TJP1: variants seen among roughly 807,000 people sequenced by gnomAD.
TJP1 encodes tight junction protein 1.
In TJP1, 43 loss-of-function variants were observed where a neutral mutation model predicts 194.2. The observed-to-expected ratio is 0.22, with a 90% CI of 0.17 to 0.29. The LOEUF is 0.29. TJP1 is among the 10% of genes least tolerant of loss of function. The pLI is 1.00. For missense variants in TJP1, 1,971 were observed against 2,185.7 expected, an observed-to-expected ratio of 0.90 and a Z score of 1.96; for synonymous variants, 801 against 779.0, an observed-to-expected ratio of 1.03 and a Z score of -0.47.
intron 2 of TJP1, among the ~76,000 whole-genome samples, chr15:29,906,345 C>T (rs567939886): frequency 3.3e-5 from 5 of 151,766 alleles, no homozygotes; most frequent in Admixed American, 2.6e-4. Flanking sequence ...TCATGATGCA[C>T]GCCTGTAATC....
intron 3 of TJP1, among the ~76,000 whole-genome samples, chr15:29,772,445 C>T (rs991215969): frequency 6.6e-6 from 1 of 152,178 alleles, no homozygotes; most frequent in Non-Finnish European, 1.5e-5. Flanking sequence ...CGAAATGATT[C>T]TTGGTAGTAC....
chr15:29,757,405 A>G (rs1047170829), intron 8 of TJP1, among the ~76,000 whole-genome samples: 3 of 152,184 alleles, frequency 2.0e-5, no homozygotes, highest in Admixed American at 1.3e-4. Context: ...TGTAAAACAA[A>G]AAGACACTTA....
At chr15:29,792,471 G>A (rs1036984561) in intron 2 of TJP1, among the ~76,000 whole-genome samples, 1 of 152,166 alleles carries the variant, frequency 6.6e-6, no homozygotes, top group Non-Finnish European at 1.5e-5. Flanking sequence ...TTTTATGCCA[G>A]CACCATGCTA....
At chr15:29,848,274 T>C (rs974542100) in intron 2 of TJP1, among the ~76,000 whole-genome samples, 5 of 152,224 alleles carry the variant, frequency 3.3e-5, no homozygotes, top group African/African-American at 1.2e-4. Flanking sequence ...GCTGATTTAC[T>C]ATTTAGTATT....
intron 2 of TJP1, among the ~76,000 whole-genome samples, chr15:29,830,262 TTACA>T (rs1332209183): frequency 3.3e-5 from 5 of 151,552 alleles, no homozygotes; most frequent in Admixed American, 3.3e-4. Context: ...ACTAAAACTG[TTACA>T]TATTCATTAG....
intron 2 of TJP1, among the ~76,000 whole-genome samples, chr15:29,796,226 G>GA (rs1267987958): frequency 2.3e-4 from 35 of 150,904 alleles, no homozygotes; most frequent in Admixed American, 2.3e-3. Flanking sequence ...CAAAAGGAGG[G>GA]AAAAAAACTG....
chr15:29,815,104 A>C (rs2049821116), intron 1 of TJP1, among the ~76,000 whole-genome samples: 1 of 152,214 alleles, frequency 6.6e-6, no homozygotes, highest in Non-Finnish European at 1.5e-5. Flanking sequence ...CATACTGCTC[A>C]TTATTAAGAA....
chr15:29,864,421 T>C (rs915971096), intron 2 of TJP1, among the ~76,000 whole-genome samples: 20 of 152,068 alleles, frequency 1.3e-4, no homozygotes, highest in Admixed American at 7.2e-4. Context: ...TGTAAGTTCC[T>C]AGAGGGTGGG....
chr15:29,950,024 T>A (rs1479223067), intron 2 of TJP1, among the ~76,000 whole-genome samples: 26 of 31,696 alleles, frequency 8.2e-4, no homozygotes, highest in Non-Finnish European at 1.2e-3. Flanking sequence ...CACCTCCACC[T>A]CCACCTTCAC....
chr15:29,885,138 G>A (rs563629507), intron 2 of TJP1, among the ~76,000 whole-genome samples: 8 of 152,194 alleles, frequency 5.3e-5, no homozygotes, highest in African/African-American at 1.4e-4. Context: ...CCTCCTTTTC[G>A]GGTTCTGTTG....
At chr15:29,895,855 T>C (rs1357602657) in intron 2 of TJP1, among the ~76,000 whole-genome samples, 1 of 152,214 alleles carries the variant, frequency 6.6e-6, no homozygotes, top group Admixed American at 6.5e-5. Flanking sequence ...TAAACAACAG[T>C]TATTTATTTC....
intron 2 of TJP1, among the ~76,000 whole-genome samples, chr15:29,833,881 A>ATATATATATATATTTTTTT (rs1555434000): frequency 4.8e-4 from 6 of 12,610 alleles, no homozygotes; most frequent in African/African-American, 1.8e-3. Flanking sequence ...ATATATATAT[A>ATATATATATATATTTTTTT]TTTTTTTTTT....
chr15:29,826,945 C>T (rs77734520), upstream of TJP1, among the ~76,000 whole-genome samples: 1,099 of 152,152 alleles, frequency 7.2e-3, 12 homozygotes, highest in African/African-American at 0.025. Context: ...AGGGTCCTGT[C>T]GCCTCCTAGG....
intron 2 of TJP1, among the ~76,000 whole-genome samples, chr15:29,928,006 G>A (rs1350388636): frequency 1.3e-5 from 2 of 151,874 alleles, no homozygotes; most frequent in Non-Finnish European, 1.5e-5. Context: ...AACCCATCTC[G>A]GAGGAGAAAT....
intron 2 of TJP1, among the ~76,000 whole-genome samples, chr15:29,868,947 G>T (rs1288774180): frequency 6.6e-6 from 1 of 152,090 alleles, no homozygotes; most frequent in Non-Finnish European, 1.5e-5. Flanking sequence ...CAGCTCAATG[G>T]ATCACAACAA....
At chr15:29,747,217 AGAGGTTGCAGT>A (rs1334148232) in intron 8 of TJP1, among the ~76,000 whole-genome samples, 49 of 152,174 alleles carry the variant, frequency 3.2e-4, no homozygotes, top group African/African-American at 1.1e-3. Flanking sequence ...CCTGGGAGGC[AGAGGTTGCAGT>A]GAGCCGATAT....
At position 29,710,868 on chromosome 15, in the gene TJP1, C is replaced by T. The variant is rs774848779; in HGVS notation, c.4335G>A (p.Ala1445=). 17 of 1,613,982 alleles carry T rather than the reference C, an allele frequency of 1.1e-5. No individual in the cohort carries two copies. The highest frequency in any genetic ancestry group is 1.7e-5 in the Admixed American group (1 of 60,000). Reference sequence around the variant, plus strand: ...CTCCCTTAGAATGTATGTGGAGAGACGCGCTGGTGACAGGCTGAGATGGCT... The same window carrying T: ...CTCCCTTAGAATGTATGTGGAGAGATGCGCTGGTGACAGGCTGAGATGGCT... The part of the protein sequence containing the change: ...YAQPSQPVTS[A]SLHIHSKGAH... The change falls in exon 24 of 28, where the codon GCG becomes GCA. Residue 1445 remains alanine (A), a synonymous_variant. Transcript: ENST00000614355.
chr15:29,910,494 C>T (rs545705372), intron 2 of TJP1, among the ~76,000 whole-genome samples: 11 of 152,306 alleles, frequency 7.2e-5, no homozygotes, highest in Admixed American at 2.0e-4. Context: ...ATCATGTTTA[C>T]TTCTACATTT....
At chr15:29,816,830 A>G (rs193250395) in intron 1 of TJP1, among the ~76,000 whole-genome samples, 9 of 152,358 alleles carry the variant, frequency 5.9e-5, no homozygotes, top group African/African-American at 1.4e-4. Flanking sequence ...TAAAGACTTC[A>G]ATGTAAAACC....
Sources: gnomAD v4.1 joint callset for allele counts (sites outside exome capture counted in the v4.1 genomes callset) on GRCh38, gnomAD v4.1.1 for gene constraint, MANE v1.5 for transcripts, NCBI Gene and HGNC (gene_info 2026-07-23, HGNC 2026-07-21) for gene names.